Variants in DDA1 observed in about 807,000 individuals in gnomAD.
DDA1 encodes DET1- and DDB1-associated protein 1.
Under a neutral mutation model 18.6 loss-of-function variants are expected in DDA1, and 3 were observed. The observed-to-expected ratio is 0.16, with a 90% confidence interval of 0.07 to 0.42. The LOEUF is 0.42. Among genes scored for constraint, DDA1 ranks in the 10% least tolerant of loss-of-function variants. The pLI is 0.99. For synonymous variants in DDA1, 52 were observed against 54.0 expected (o/e 0.96, Z 0.17); for missense variants, 105 against 138.2 (o/e 0.76, Z 1.20).
At chr19:17,319,270 C>T (rs1168334241) in intron 4 of DDA1, among the ~76,000 whole-genome samples, 1 of 152,220 alleles carries the variant, frequency 6.6e-6, no homozygotes, top group Admixed American at 6.5e-5. Flanking sequence ...CTGGGGCCCC[C>T]CACTGTACTC....
At chr19:17,315,382 TATATATACACACTATATATATACATAC>T (rs1328112813) in intron 3 of DDA1, among the ~76,000 whole-genome samples, 3 of 92,214 alleles carry the variant, frequency 3.3e-5, no homozygotes, top group South Asian at 7.9e-4. Context: ...TACACACGTA[TATATATACACACTATATATATACATAC>T]GTGTGTGTGT....
intron 3 of DDA1, among the ~76,000 whole-genome samples, chr19:17,315,300 A>G (rs1265343581): frequency 2.5e-5 from 1 of 39,348 alleles, no homozygotes; most frequent in African/African-American, 1.4e-4. Context: ...ATATATACAC[A>G]CGTGTATATA....
In DDA1 at chr19:17,323,275, CAAAAT is replaced by C. The variant is rs1167363638; in HGVS notation, c.*3623_*3627del. The C allele has an allele frequency of 1.0e-5, 3 of 300,426 alleles. No individual in the cohort carries two copies. The highest frequency in any genetic ancestry group is 2.2e-5 in the African/African-American group (1 of 45,456). 18.6% of individuals were successfully genotyped at this position (300,426 alleles called of 1,614,324 possible). On this transcript the variant is annotated 3_prime_UTR_variant, in exon 5 of 5. Transcript: ENST00000359866. ...TTTCTGCCGTTTTACAAAAATATGA[CAAAAT>C]AAATTAAAAACAAATAAATAATCGC... is the stretch of plus-strand genomic sequence containing the variant.
intron 4 of DDA1, among the ~76,000 whole-genome samples, chr19:17,316,483 G>A (rs2074213477): frequency 6.6e-6 from 1 of 152,088 alleles, no homozygotes; most frequent in African/African-American, 2.4e-5. Context: ...GGGAGGCTGA[G>A]GCAGGAGAAT....
Position 17,314,374 on chromosome 19 carries a change from T to C in DDA1, c.121T>C (p.Tyr41His), listed in dbSNP as rs2074192753. 2 of 1,614,096 alleles carry C rather than the reference T, an allele frequency of 1.2e-6. No individual in the cohort carries two copies. Among genetic ancestry groups the C allele is most frequent in the Non-Finnish European group, 1.7e-6 (2 of 1,180,050 alleles). The change falls in exon 3 of 5, where the codon TAC becomes CAC. Residue 41 changes from tyrosine (Y) to histidine (H), a missense_variant. Tyr to His is a moderately conservative substitution (Grantham distance 83). Transcript: ENST00000359866. This position sits in a 1 kb window ranked among gnomAD's most constrained non-coding sequence, Gnocchi z 4.6. ...RPSVYLPTRE[Y>H]PSEQIIVTEK... ...CTCAGTCTACCTGCCTACCCGCGAG[T>C]ACCCGTCTGAACAGAGTAAGTGGCC...
At position 17,320,748 on chromosome 19, in the gene DDA1, C is replaced by G. The variant is rs2074236233; in HGVS notation, c.*1092C>G. On this transcript the variant is annotated 3_prime_UTR_variant, in exon 5 of 5. Transcript: ENST00000359866. The stretch of plus-strand genomic sequence containing the variant: ...TCACCCTTGCTGGGTCATAGAGGAG[C>G]TGTACAGAAGGTTGGCACCTGGCAG... 1 of 152,458 alleles carries G rather than the reference C, an allele frequency of 6.6e-6. No individual in the cohort carries two copies. Among genetic ancestry groups the G allele is most frequent in the Non-Finnish European group, 1.5e-5 (1 of 68,224 alleles). 9.4% of individuals were successfully genotyped at this position (152,458 alleles called of 1,614,324 possible).
At chr19:17,313,958 C>T in intron 1 of DDA1, 65 bp from the exon 2 acceptor site, 1 of 1,298,328 alleles carries the variant, frequency 7.7e-7, no homozygotes, top group Non-Finnish European at 1.1e-6. Flanking sequence ...AGTCACCCTG[C>T]AGGTGCTCCA....
In DDA1 at chr19:17,320,097, C is replaced by G. The variant is rs73014492; in HGVS notation, c.*441C>G. On this transcript the variant is annotated 3_prime_UTR_variant, in exon 5 of 5. Transcript: ENST00000359866. ...GGACAGCCGAGTGGCCTTCTCCCCC[C>G]CAACACCGGTCCAGGCCATTGAGAC... 161 of 161,264 alleles carry G rather than the reference C, an allele frequency of 1.0e-3. No homozygotes were observed. Among genetic ancestry groups the G allele is most frequent in the Middle Eastern group, 3.1e-3 (1 of 322 alleles). 10.0% of individuals were successfully genotyped at this position (161,264 alleles called of 1,614,324 possible). A position where few individuals can be genotyped will look rare whatever the true frequency, so the allele number is the denominator to read the frequency against.
At chr19:17,312,236 G>A (rs1040738794) in intron 1 of DDA1, among the ~76,000 whole-genome samples, 18 of 152,180 alleles carry the variant, frequency 1.2e-4, no homozygotes, top group African/African-American at 4.3e-4. Context: ...ACCGGGCCCT[G>A]TGTGAGCCCG....
At chr19:17,317,735 A>G (rs1435015133) in intron 4 of DDA1, among the ~76,000 whole-genome samples, 2 of 149,496 alleles carry the variant, frequency 1.3e-5, no homozygotes, top group African/African-American at 4.9e-5. Context: ...GCTATTCAGG[A>G]GGCTGAGGTG....
Position 17,314,540 on chromosome 19 carries a change from A to G in DDA1, c.136+151A>G. The G allele has an allele frequency of 9.5e-7, 1 of 1,048,902 alleles. No individual in the cohort carries two copies. The highest frequency in any genetic ancestry group is 1.6e-5 in the African/African-American group (1 of 63,408). The allele number at this position is 1,048,902 out of a possible 1,614,324, so 65.0% of individuals were successfully genotyped here. On this transcript the variant is annotated intron_variant, in intron 3 of 4. Coordinates refer to ENST00000359866, the MANE Select transcript of DDA1 (RefSeq NM_024050.6). The surrounding 1 kb of genome is among the most constrained non-coding windows in gnomAD (Gnocchi z 4.6). ...GCTGTCTACTGAATCCAGTTAAGTC[A>G]GGGAGGGCCTCCAGGGAGGTACAGG...
At chr19:17,316,865 G>A (rs1004896624) in intron 4 of DDA1, among the ~76,000 whole-genome samples, 4 of 151,284 alleles carry the variant, frequency 2.6e-5, no homozygotes, top group African/African-American at 4.9e-5. Context: ...GCAACAGAGC[G>A]AGACTCCATC....
rs867607250 is a variant in DDA1, at chr19:17,319,567, C to A, written c.220C>A (p.Gln74Lys). Residue 74 changes from glutamine to lysine, a missense_variant, in exon 5 of 5, where the codon CAG becomes AAG. Physicochemically the swap from Gln to Lys is moderately conservative, Grantham distance 53. Transcript: ENST00000359866. Reference sequence around the variant, plus strand: ...CCAGAACGCTGCCAAGAAGAGAGACCAGGAGCAAGTGGAGCTGGAAGGCGA... The same window carrying A: ...CCAGAACGCTGCCAAGAAGAGAGACAAGGAGCAAGTGGAGCTGGAAGGCGA... ...DKKNAAKKRDQEQVELEGESS... is the reference protein window; with the variant it reads ...DKKNAAKKRDKEQVELEGESS... 6.4e-7 allele frequency: 1 copy of A among 1,572,898 alleles called. No individual in the cohort carries two copies. The highest frequency in any genetic ancestry group is 8.6e-7 in the Non-Finnish European group (1 of 1,159,074).
chr19:17,319,977 T>C lies in DDA1; in HGVS notation c.*321T>C, dbSNP rs868143076. The C allele has an allele frequency of 2.5e-5, 7 of 278,028 alleles. No homozygotes were observed. The highest frequency in any genetic ancestry group is 1.2e-3 in the Middle Eastern group (1 of 854). 17.2% of individuals were successfully genotyped at this position (278,028 alleles called of 1,614,324 possible). ...CAGTTCCCCGATTCCTGCCCCCAGT[T>C]CTCCAGAGAACCAGAGTGTGTCTGT... On this transcript the variant is annotated 3_prime_UTR_variant, in exon 5 of 5. Coordinates refer to ENST00000359866, the MANE Select transcript of DDA1 (RefSeq NM_024050.6).
At position 17,314,545 on chromosome 19, in the gene DDA1, G is replaced by A. The variant is rs74509501; in HGVS notation, c.136+156G>A. 6.7e-4 allele frequency: 669 copies of A among 993,454 alleles called. 5 individuals carry two copies. The African/African-American group carries it at 1.0e-2, about 15-fold the overall frequency. The allele number at this position is 993,454 out of a possible 1,614,324, so 61.5% of individuals were successfully genotyped here. A position where few individuals can be genotyped will look rare whatever the true frequency, so the allele number is the denominator to read the frequency against. ...CTACTGAATCCAGTTAAGTCAGGGA[G>A]GGCCTCCAGGGAGGTACAGGAGGGG... On this transcript the variant is annotated intron_variant, in intron 3 of 4. Coordinates refer to ENST00000359866, the MANE Select transcript of DDA1 (RefSeq NM_024050.6). This position sits in a 1 kb window ranked among gnomAD's most constrained non-coding sequence, Gnocchi z 4.6.
intron 4 of DDA1, among the ~76,000 whole-genome samples, chr19:17,316,610 C>T (rs1568354533): frequency 6.6e-6 from 1 of 151,852 alleles, no homozygotes; most frequent in African/African-American, 2.4e-5. Flanking sequence ...TGAGGTGGCT[C>T]ACGCCTGTAA....
chr19:17,309,787 C>G, intron 1 of DDA1, 130 bp downstream of exon 1: 2 of 1,231,798 alleles, frequency 1.6e-6, no homozygotes, highest in Non-Finnish European at 2.2e-6. Flanking sequence ...CCCGCCCCTC[C>G]CACTCACCTG....
rs1293345851 is a variant in DDA1 at position 17,322,639 on chromosome 19, TTCCTGA to T, written c.*2984_*2989del. 6.6e-6 allele frequency: 1 copy of T among 152,342 alleles called. No individual in the cohort carries two copies. The allele number at this position is 152,342 out of a possible 1,614,324, so 9.4% of individuals were successfully genotyped here. On this transcript the variant is annotated 3_prime_UTR_variant, in exon 5 of 5. Transcript: ENST00000359866. ...GAGGGTCTGAGAGGCCACGTTCCTGTTCCTGAGTCATACGACAGAGTCCCAGTGACT... is the reference window on the plus strand; with the variant it reads ...GAGGGTCTGAGAGGCCACGTTCCTGTGTCATACGACAGAGTCCCAGTGACT...
In DDA1 at chr19:17,319,648, G is replaced by T. The variant is rs966360834; in HGVS notation, c.301G>T (p.Asp101Tyr). 2.8e-5 allele frequency: 44 copies of T among 1,567,522 alleles called. No individual in the cohort carries two copies. The highest frequency in any genetic ancestry group is 3.8e-5 in the Non-Finnish European group (44 of 1,156,182). Reference protein sequence around the residue: ...ARTDSPDMHEDT With the variant: ...ARTDSPDMHEYT ...GACCGACAGCCCAGACATGCACGAG[G>T]ACACTTAAGACTCTCAACTCCACAG... Residue 101 changes from aspartate (D) to tyrosine (Y), a missense_variant, in exon 5 of 5, where the codon GAC becomes TAC. Coordinates refer to ENST00000359866, the MANE Select transcript of DDA1 (RefSeq NM_024050.6).
Sources: gnomAD v4.1 joint callset for allele counts (sites outside exome capture counted in the v4.1 genomes callset) on GRCh38, gnomAD v4.1.1 for gene constraint, Gnocchi (gnomAD v3.1) non-coding constraint, MANE v1.5 for transcripts, NCBI Gene and HGNC (gene_info 2026-07-23, HGNC 2026-07-21) for gene names.